GNG7: variants seen among roughly 807,000 people sequenced by gnomAD.
GNG7 encodes the protein guanine nucleotide-binding protein G(I)/G(S)/G(O) subunit gamma-7.
In GNG7, 1 loss-of-function variant was observed where a neutral mutation model predicts 4.0. The ratio of observed to expected loss-of-function variants is 0.25; its 90% CI spans 0.09 to 1.18. The LOEUF (loss-of-function observed/expected upper bound fraction) is 1.18, where lower values mean the gene tolerates loss of function less well. Ranked by LOEUF, GNG7 falls within the 50% of genes most tolerant of loss-of-function variation. The pLI is 0.50. For synonymous variants in GNG7, 34 were observed against 36.9 expected (o/e 0.92, Z 0.29); for missense variants, 86 against 91.9 (o/e 0.94, Z 0.26).
intron 2 of GNG7, among the ~76,000 whole-genome samples, chr19:2,636,133 G>A (rs771873790): frequency 6.6e-6 from 1 of 152,132 alleles, no homozygotes; most frequent in Non-Finnish European, 1.5e-5. Context: ...CCGGACACCA[G>A]AATAAACTCC....
intron 2 of GNG7, among the ~76,000 whole-genome samples, chr19:2,555,983 TCTTTC>T (rs993012721): frequency 7.9e-5 from 12 of 152,120 alleles, no homozygotes; most frequent in Non-Finnish European, 1.3e-4. Flanking sequence ...CCTTCCGTGG[TCTTTC>T]CTGACTCCCA....
At chr19:2,675,298 A>AGCCAGGAACCGT in intron 1 of GNG7, among the ~76,000 whole-genome samples, 1 of 152,338 alleles carries the variant, frequency 6.6e-6, no homozygotes, top group South Asian at 2.1e-4. Context: ...AGCCAGGAAC[A>AGCCAGGAACCGT]GCAGCAAGTG....
rs749985271 is a variant in GNG7 at position 2,566,540 on chromosome 19, C to G, written c.-77-11352G>C. Among the ~76,000 whole-genome samples, 16 of 152,154 alleles carry G rather than the reference C, an allele frequency of 1.1e-4. 1 individual carries two copies. The highest frequency in any genetic ancestry group is 9.2e-4 in the Admixed American group (14 of 15,256). The stretch of plus-strand genomic sequence containing the variant: ...TCAGCCTGGCTCCGGGGGAAGGGTC[C>G]GAGACAGCAGACCAGAACTGGGGCC... On this transcript the variant is annotated intron_variant, in intron 2 of 4. Coordinates refer to ENST00000382159, the MANE Select transcript of GNG7 (RefSeq NM_052847.3).
chr19:2,512,337 A>G lies in GNG7; in HGVS notation c.*2685T>C, dbSNP rs1471308203. ...CAAAGGTATTTTCCACAGTGTGGTC[A>G]CTGAAGTCTACTCAAGAAAAAAAAA... On this transcript the variant is annotated 3_prime_UTR_variant, in exon 5 of 5. Transcript: ENST00000382159. The surrounding 1 kb of genome is among the most constrained non-coding windows in gnomAD (Gnocchi z 4.7). 3.0e-6 allele frequency: 3 copies of G among 985,538 alleles called. No individual in the cohort carries two copies. Among genetic ancestry groups the G allele is most frequent in the Non-Finnish European group, 3.6e-6 (3 of 829,890 alleles). 61.0% of individuals were successfully genotyped at this position (985,538 alleles called of 1,614,324 possible). A position where few individuals can be genotyped will look rare whatever the true frequency, so the allele number is the denominator to read the frequency against.
intron 2 of GNG7, among the ~76,000 whole-genome samples, chr19:2,575,062 CTTTTTCTTTCCTT>C (rs1980264628): frequency 6.7e-6 from 1 of 150,242 alleles, no homozygotes; most frequent in South Asian, 2.1e-4. Context: ...TTTCTTTTTT[CTTTTTCTTTCCTT>C]TTTTTCTTTC....
chr19:2,642,300 G>A (rs1982529150), intron 2 of GNG7: 2 of 194,546 alleles, frequency 1.0e-5, no homozygotes, highest in African/African-American at 2.3e-5. Context: ...GAGAATTGCC[G>A]TATCCTAGCT....
intron 3 of GNG7, among the ~76,000 whole-genome samples, chr19:2,527,646 C>T (rs921763738): frequency 4.6e-5 from 7 of 152,174 alleles, no homozygotes; most frequent in Non-Finnish European, 4.4e-5. Flanking sequence ...TGATCTACAC[C>T]GGGAAGTTTA....
intron 2 of GNG7, among the ~76,000 whole-genome samples, chr19:2,598,003 T>C (rs566025031): frequency 1.3e-5 from 2 of 152,000 alleles, no homozygotes; most frequent in Non-Finnish European, 2.9e-5. Context: ...TGAGTGTGCA[T>C]GTGTAGGAAA....
At chr19:2,680,636 T>C (rs945357650) in intron 1 of GNG7, among the ~76,000 whole-genome samples, 6 of 147,812 alleles carry the variant, frequency 4.1e-5, no homozygotes. Context: ...AATGCAATGG[T>C]GAGATCTCAG....
intron 1 of GNG7, among the ~76,000 whole-genome samples, chr19:2,652,099 C>T (rs541647405): frequency 2.3e-4 from 35 of 151,784 alleles, no homozygotes; most frequent in Admixed American, 5.2e-4. Flanking sequence ...CGCTTGAACC[C>T]GGGAGACAGT....
intron 3 of GNG7, among the ~76,000 whole-genome samples, chr19:2,531,512 C>G (rs570721982): frequency 3.4e-4 from 51 of 152,162 alleles, no homozygotes; most frequent in African/African-American, 1.2e-3. Context: ...CAGATTATTT[C>G]TACATGCAAA....
At chr19:2,660,982 C>T (rs146349833) in intron 1 of GNG7, among the ~76,000 whole-genome samples, 6 of 151,094 alleles carry the variant, frequency 4.0e-5, no homozygotes, top group South Asian at 2.1e-4. Flanking sequence ...GAGGCCGAGG[C>T]GGGCAGATCA....
In GNG7 at chr19:2,512,165, C is replaced by G; in HGVS notation, c.*2857G>C. On this transcript the variant is annotated 3_prime_UTR_variant, in exon 5 of 5. Coordinates refer to ENST00000382159, the MANE Select transcript of GNG7 (RefSeq NM_052847.3). The surrounding 1 kb of genome is among the most constrained non-coding windows in gnomAD (Gnocchi z 4.7). The stretch of plus-strand genomic sequence containing the variant: ...GAGGCTTGTCCCCCCAAGGCTAGAG[C>G]TGCTGCTGCCACCCCCGCCCGCCAG... 1.0e-6 allele frequency: 1 copy of G among 985,702 alleles called. No homozygotes were observed. Among genetic ancestry groups the G allele is most frequent in the Non-Finnish European group, 1.2e-6 (1 of 829,812 alleles). 61.1% of individuals were successfully genotyped at this position (985,702 alleles called of 1,614,324 possible). A position where few individuals can be genotyped will look rare whatever the true frequency, so the allele number is the denominator to read the frequency against.
chr19:2,654,236 A>C (rs1982903548), intron 1 of GNG7, among the ~76,000 whole-genome samples: 1 of 150,652 alleles, frequency 6.6e-6, no homozygotes, highest in African/African-American at 2.4e-5. Flanking sequence ...TCTGACGCAT[A>C]CCCTCCCCTC....
At chr19:2,604,639 C>CCA (rs534144705) in intron 2 of GNG7, among the ~76,000 whole-genome samples, 1 of 87,852 alleles carries the variant, frequency 1.1e-5, no homozygotes, top group East Asian at 3.4e-4. Context: ...GACCCTCCTT[C>CCA]AAAAAAAAAA....
intron 2 of GNG7, among the ~76,000 whole-genome samples, chr19:2,598,390 G>T (rs1007937519): frequency 6.6e-6 from 1 of 151,858 alleles, no homozygotes; most frequent in African/African-American, 2.4e-5. Flanking sequence ...GGGCGTGGTG[G>T]CTCACGCCTG....
chr19:2,553,620 C>T (rs557029803), intron 3 of GNG7, among the ~76,000 whole-genome samples: 1 of 108,582 alleles, frequency 9.2e-6, no homozygotes, highest in Admixed American at 8.7e-5. Flanking sequence ...ATACTACATA[C>T]ATGCACACGT....
intron 2 of GNG7, among the ~76,000 whole-genome samples, chr19:2,619,199 G>A (rs909297059): frequency 6.6e-6 from 1 of 152,238 alleles, no homozygotes; most frequent in African/African-American, 2.4e-5. Flanking sequence ...CAGGACCAGA[G>A]AGTTTGAGAA....
In GNG7 at chr19:2,524,718, A is replaced by C. The variant is rs538611305; in HGVS notation, c.-37-3993T>G. Among the ~76,000 whole-genome samples, 7 of 152,246 alleles carry C rather than the reference A, an allele frequency of 4.6e-5. No individual in the cohort carries two copies. The South Asian group carries it at 1.4e-3, about 32-fold the overall frequency. Reference sequence around the variant, plus strand: ...CATACGTGCATGTGTGTGGACATGCATGCCAGTGTGCACGTGTGTATGTGC... The same window carrying C: ...CATACGTGCATGTGTGTGGACATGCCTGCCAGTGTGCACGTGTGTATGTGC... On this transcript the variant is annotated intron_variant, in intron 3 of 4. Coordinates refer to ENST00000382159, the MANE Select transcript of GNG7 (RefSeq NM_052847.3).
Sources: allele counts gnomAD v4.1 joint callset (sites outside exome capture counted in the v4.1 genomes callset), GRCh38; gene constraint gnomAD v4.1.1; non-coding constraint Gnocchi (gnomAD v3.1); transcripts MANE v1.5; gene names NCBI Gene and HGNC (gene_info 2026-07-23, HGNC 2026-07-21).